Variants in PUM2 observed in about 807,000 individuals in gnomAD.
PUM2 encodes the protein pumilio homolog 2.
A neutral mutation model predicts 124.5 loss-of-function variants in PUM2; 57 were observed. The observed-to-expected ratio is 0.46, with a 90% CI of 0.37 to 0.57. The LOEUF is 0.57. Among genes scored for constraint, PUM2 ranks in the 20% least tolerant of loss-of-function variants. PUM2 has a pLI of 0.00. For synonymous variants in PUM2, 460 were observed against 446.1 expected, an observed-to-expected ratio of 1.03 and a Z score of -0.39; for missense variants, 1,065 against 1,290.6, an observed-to-expected ratio of 0.83 and a Z score of 2.68.
At chr2:20,295,603 T>C (rs995230046) in intron 8 of PUM2, among the ~76,000 whole-genome samples, 1 of 151,968 alleles carries the variant, frequency 6.6e-6, no homozygotes, top group Non-Finnish European at 1.5e-5. Flanking sequence ...GGGTACACCG[T>C]AAAAATAAAA....
chr2:20,320,169 G>A (rs562290273), intron 2 of PUM2, among the ~76,000 whole-genome samples: 2 of 152,304 alleles, frequency 1.3e-5, no homozygotes, highest in South Asian at 4.1e-4. Flanking sequence ...GGGAGGCTGA[G>A]GCAGAGAAAT....
At chr2:20,306,838 C>T (rs1234398147) in intron 7 of PUM2, among the ~76,000 whole-genome samples, 1 of 151,782 alleles carries the variant, frequency 6.6e-6, no homozygotes, top group Admixed American at 6.6e-5. Context: ...AACTCCTGAC[C>T]TCAGGTGATC....
At position 20,249,919 on chromosome 2, in the gene PUM2, G is replaced by C. The variant is rs575631552; in HGVS notation, c.*1666C>G. ...TATGGTCACAATTTTGCCTTAAAAA[G>C]ATTGTTGGGAAATGTACATAAGGCC... On this transcript the variant is annotated 3_prime_UTR_variant, in exon 21 of 21. Transcript: ENST00000361078. The C allele has an allele frequency of 2.0e-5, 3 of 152,708 alleles. No individual in the cohort carries two copies. Among genetic ancestry groups the C allele is most frequent in the Non-Finnish European group, 2.9e-5 (2 of 68,008 alleles). 9.5% of individuals were successfully genotyped at this position (152,708 alleles called of 1,614,324 possible).
Position 20,290,676 on chromosome 2 carries a change from G to C in PUM2, c.1267C>G (p.Gln423Glu). The C allele has an allele frequency of 6.2e-7, 1 of 1,612,104 alleles. No individual in the cohort carries two copies. Among genetic ancestry groups the C allele is most frequent in the Non-Finnish European group, 8.5e-7 (1 of 1,179,470 alleles). ...AAANPTLAFG[Q>E]GLATGMPGYQ... ...CCTGGCATGCCAGTAGCAAGACCCTGACCAAAAGCCAATGTTGGATTTGCT... is the reference window on the plus strand; with the variant it reads ...CCTGGCATGCCAGTAGCAAGACCCTCACCAAAAGCCAATGTTGGATTTGCT... Residue 423 changes from glutamine to glutamate, a missense_variant, in exon 10 of 21, where the codon CAG becomes GAG. By Grantham distance (29) the Gln-to-Glu change is conservative (BLOSUM62 2). This residue lies in a region of PUM2 where 968 missense variants were observed against 1,159.8 expected (regional missense o/e 0.83). Transcript: ENST00000361078.
At chr2:20,313,875 A>G (rs981325260) in intron 3 of PUM2, among the ~76,000 whole-genome samples, 4 of 147,802 alleles carry the variant, frequency 2.7e-5, no homozygotes, top group Non-Finnish European at 4.5e-5. Context: ...AGGGGCAGTG[A>G]CTCACTCCTG....
intron 13 of PUM2, among the ~76,000 whole-genome samples, chr2:20,276,594 A>G (rs2148808096): frequency 6.6e-6 from 1 of 152,112 alleles, no homozygotes; most frequent in East Asian, 1.9e-4. Context: ...GACTTGATTC[A>G]TAAAGAAATA....
chr2:20,323,177 G>C (rs1478338500), intron 2 of PUM2, among the ~76,000 whole-genome samples: 1 of 152,126 alleles, frequency 6.6e-6, no homozygotes, highest in African/African-American at 2.4e-5. Context: ...GGCCAGGTGC[G>C]GTGGCTCACG....
At chr2:20,298,191 G>A (rs2148337536) in intron 7 of PUM2, among the ~76,000 whole-genome samples, 1 of 152,318 alleles carries the variant, frequency 6.6e-6, no homozygotes, top group East Asian at 1.9e-4. Context: ...CATATTAAGT[G>A]CTCTGGGCAC....
chr2:20,262,450 T>C (rs2148558414), intron 14 of PUM2, among the ~76,000 whole-genome samples: 1 of 152,362 alleles, frequency 6.6e-6, no homozygotes, highest in African/African-American at 2.4e-5. Flanking sequence ...CTAGGCGCAA[T>C]ATACAGAGTA....
intron 1 of PUM2, among the ~76,000 whole-genome samples, chr2:20,343,623 T>C (rs887725993): frequency 1.3e-5 from 2 of 152,222 alleles, no homozygotes; most frequent in Non-Finnish European, 2.9e-5. Flanking sequence ...AAATTTCTGT[T>C]GGGCATGGTG....
intron 1 of PUM2, among the ~76,000 whole-genome samples, chr2:20,335,691 A>C (rs1685851372): frequency 6.6e-6 from 1 of 152,238 alleles, no homozygotes; most frequent in Non-Finnish European, 1.5e-5. Flanking sequence ...TACTGACTCA[A>C]TTATAATAAG....
chr2:20,250,255 G>A lies in PUM2; in HGVS notation c.*1330C>T, dbSNP rs1014415480. The A allele has an allele frequency of 2.6e-5, 4 of 152,586 alleles. No homozygotes were observed. The highest frequency in any genetic ancestry group is 5.9e-5 in the Non-Finnish European group (4 of 67,964). The allele number at this position is 152,586 out of a possible 1,614,324, so 9.5% of individuals were successfully genotyped here. On this transcript the variant is annotated 3_prime_UTR_variant, in exon 21 of 21. Transcript: ENST00000361078. ...CAAAATGATCTCACAATAATAAAAA[G>A]AAAGCTGGTTCATACTTCTGAAACC...
At chr2:20,300,445 G>C (rs1005858377) in intron 7 of PUM2, among the ~76,000 whole-genome samples, 1 of 152,160 alleles carries the variant, frequency 6.6e-6, no homozygotes, top group African/African-American at 2.4e-5. Flanking sequence ...CATAGCACCC[G>C]GCCTCAAGTT....
intron 1 of PUM2, among the ~76,000 whole-genome samples, chr2:20,344,353 GTCTT>G (rs1687803628): frequency 6.6e-6 from 1 of 152,174 alleles, no homozygotes; most frequent in South Asian, 2.1e-4. Flanking sequence ...CAGCCTCATA[GTCTT>G]TCTTACAGTC....
At chr2:20,263,064 A>C (rs1040746145) in intron 14 of PUM2, 129 bp downstream of exon 14, 3 of 791,946 alleles carry the variant, frequency 3.8e-6, no homozygotes, top group Non-Finnish European at 5.8e-6. Context: ...AAAACATATA[A>C]TCCATATTGA....
Position 20,251,532 on chromosome 2 carries a change from A to T in PUM2, c.*53T>A. 3 of 1,542,432 alleles carry T rather than the reference A, an allele frequency of 1.9e-6. No individual in the cohort carries two copies. In the South Asian group the frequency reaches 3.8e-5, roughly 19 times the overall value. Reference sequence around the variant, plus strand: ...AGTTGTGTTTTGATAATTCACACACAAAAAAATTCTTTTCACATGGTTAAA... The same window carrying T: ...AGTTGTGTTTTGATAATTCACACACTAAAAAATTCTTTTCACATGGTTAAA... On this transcript the variant is annotated 3_prime_UTR_variant, in exon 21 of 21. Coordinates refer to ENST00000361078, the MANE Select transcript of PUM2 (RefSeq NM_015317.5).
At chr2:20,346,347 A>C (rs1688241683) in intron 1 of PUM2, among the ~76,000 whole-genome samples, 1 of 152,226 alleles carries the variant, frequency 6.6e-6, no homozygotes, top group Non-Finnish European at 1.5e-5. Context: ...AGAAAATGGA[A>C]GATACAAGTA....
chr2:20,285,359 T>C (rs114664041), intron 10 of PUM2, among the ~76,000 whole-genome samples: 1,808 of 152,284 alleles, frequency 0.012, 36 homozygotes, highest in African/African-American at 0.04. Context: ...TAAAAAGATA[T>C]CAATCCACAC....
intron 7 of PUM2, among the ~76,000 whole-genome samples, chr2:20,300,737 T>A (rs1266983219): frequency 6.9e-6 from 1 of 145,750 alleles, no homozygotes; most frequent in East Asian, 2.0e-4. Context: ...ACTGGGCAAA[T>A]CCTGCCTCCC....
Sources: allele counts gnomAD v4.1 joint callset (sites outside exome capture counted in the v4.1 genomes callset), GRCh38; gene constraint gnomAD v4.1.1; regional missense constraint gnomAD v4.1.1; transcripts MANE v1.5; gene names NCBI Gene and HGNC (gene_info 2026-07-23, HGNC 2026-07-21).